Variants in ADAM22 observed in about 807,000 individuals in gnomAD.
ADAM22 encodes ADAM metallopeptidase domain 22, also known as disintegrin and metalloproteinase domain-containing protein 22.
A neutral mutation model predicts 144.6 loss-of-function variants in ADAM22; 65 were observed. That is an observed-to-expected ratio of 0.45 (90% CI 0.37 to 0.55). ADAM22 has a LOEUF of 0.55. Ranked by LOEUF, ADAM22 falls within the 20% of genes least tolerant of loss-of-function variation. The pLI is 0.00. For synonymous variants in ADAM22, 391 were observed against 412.6 expected (o/e 0.95, Z 0.63); for missense variants, 974 against 1,184.9 (o/e 0.82, Z 2.61).
intron 4 of ADAM22, among the ~76,000 whole-genome samples, chr7:88,085,117 T>C (rs1327691662): frequency 6.6e-6 from 1 of 152,214 alleles, no homozygotes; most frequent in African/African-American, 2.4e-5. Context: ...CTTTAACATA[T>C]GCATTTTGGG....
At position 88,138,612 on chromosome 7, in the gene ADAM22, A is replaced by G. The variant is rs541594976; in HGVS notation, c.1220+2581A>G. 8.4e-4 allele frequency among the ~76,000 whole-genome samples: 128 copies of G among 152,362 alleles called. 2 individuals are homozygous for G. The highest frequency in any genetic ancestry group is 1.4e-3 in the Admixed American group (22 of 15,304). On this transcript the variant is annotated intron_variant, in intron 14 of 31. Coordinates refer to ENST00000413139, the MANE Select transcript of ADAM22 (RefSeq NM_001324418.2). ...ATTAGAAAGCAGGGTTGAAATGAAT[A>G]CCTTCAGTCCTATTTAAAGGTATGA...
intron 15 of ADAM22, among the ~76,000 whole-genome samples, 185 bp from the exon 16 acceptor site, chr7:88,144,940 C>T (rs916463598): frequency 6.6e-6 from 1 of 151,926 alleles, no homozygotes; most frequent in Non-Finnish European, 1.5e-5. Context: ...GAAAAGGAAA[C>T]AGAAGTAGAC....
intron 2 of ADAM22, among the ~76,000 whole-genome samples, chr7:87,971,676 C>T (rs1379523956): frequency 6.6e-6 from 1 of 152,152 alleles, no homozygotes; most frequent in Middle Eastern, 3.2e-3. Flanking sequence ...TTTTCCTTGA[C>T]AGTACCTTAG....
chr7:88,081,786 T>C (rs978203163), intron 4 of ADAM22, among the ~76,000 whole-genome samples: 55 of 141,644 alleles, frequency 3.9e-4, no homozygotes, highest in Non-Finnish European at 5.0e-4. Context: ...ACAAGGGATG[T>C]GAAGGACCTC....
chr7:88,048,228 A>G (rs1238878758), intron 3 of ADAM22, among the ~76,000 whole-genome samples: 2 of 152,178 alleles, frequency 1.3e-5, no homozygotes, highest in Admixed American at 1.3e-4. Flanking sequence ...ATAGTATGCC[A>G]GTGTATGATT....
At chr7:88,164,765 G>A (rs553304802) in intron 23 of ADAM22, among the ~76,000 whole-genome samples, 1 of 152,152 alleles carries the variant, frequency 6.6e-6, no homozygotes, top group South Asian at 2.1e-4. Context: ...TGTAAGCTAT[G>A]CTATTTATTA....
intron 27 of ADAM22, 63 bp downstream of exon 27, chr7:88,179,192 C>A: frequency 1.5e-6 from 1 of 655,358 alleles, no homozygotes; most frequent in South Asian, 1.8e-5. Flanking sequence ...TCTTTGATTA[C>A]TCTACTTCAA....
chr7:88,181,988 G>A lies in ADAM22; in HGVS notation c.2627G>A (p.Arg876Lys). ...GNLGGNKKKIRGKRFRPRSNS... is the reference protein window; with the variant it reads ...GNLGGNKKKIKGKRFRPRSNS... ...CTGGGAGGCAACAAAAAGAAAATCAGAGGCAAAAGATTTAGACCTCGGTCT... is the reference window on the plus strand; with the variant it reads ...CTGGGAGGCAACAAAAAGAAAATCAAAGGCAAAAGATTTAGACCTCGGTCT... The change falls in exon 29 of 32, where the codon AGA becomes AAA. Residue 876 changes from arginine to lysine, a missense_variant. Arg to Lys is a conservative substitution (Grantham distance 26). This residue lies in a region of ADAM22 where 734 missense variants were observed against 950.6 expected (regional missense o/e 0.77). Transcript: ENST00000413139. 6.2e-7 allele frequency: 1 copy of A among 1,613,718 alleles called. No homozygotes were observed. Among genetic ancestry groups the A allele is most frequent in the Admixed American group, 1.7e-5 (1 of 59,980 alleles).
intron 3 of ADAM22, 114 bp from the exon 4 acceptor site, chr7:88,075,512 T>C: frequency 3.7e-6 from 3 of 807,662 alleles, no homozygotes; most frequent in South Asian, 2.9e-5. Context: ...TATAAAGTGT[T>C]GATTTGGGGG....
intron 11 of ADAM22, chr7:88,131,676 A>G (rs1287404779): frequency 1.9e-6 from 1 of 525,758 alleles, no homozygotes; most frequent in Non-Finnish European, 3.4e-6. Context: ...TAAATAGAGC[A>G]TTTACTGAGT....
At chr7:88,054,698 G>A (rs2129475431) in intron 3 of ADAM22, among the ~76,000 whole-genome samples, 1 of 151,380 alleles carries the variant, frequency 6.6e-6, no homozygotes, top group East Asian at 1.9e-4. Flanking sequence ...ACTGTGAATT[G>A]TGTTCGTGGG....
In ADAM22 at chr7:88,126,768, T is replaced by C. The variant is rs534468734; in HGVS notation, c.678+1109T>C. On this transcript the variant is annotated intron_variant, in intron 8 of 31. Transcript: ENST00000413139. Reference sequence around the variant, plus strand: ...CTCCAGTGAGCATTTCTTTTGAGTGTCCTATTGGTGCTCAAAAAGTTTTTC... The same window carrying C: ...CTCCAGTGAGCATTTCTTTTGAGTGCCCTATTGGTGCTCAAAAAGTTTTTC... Among the ~76,000 whole-genome samples, 434 of 152,064 alleles carry C rather than the reference T, an allele frequency of 2.9e-3. 2 individuals are homozygous for C. Among genetic ancestry groups the C allele is most frequent in the African/African-American group, 0.01 (419 of 41,510 alleles).
At chr7:88,094,446 G>C (rs893768151) in intron 4 of ADAM22, among the ~76,000 whole-genome samples, 1 of 152,170 alleles carries the variant, frequency 6.6e-6, no homozygotes, top group African/African-American at 2.4e-5. Flanking sequence ...AACCAGAGAA[G>C]GTGGACAGAA....
chr7:87,943,153 A>G (rs1021090431), intron 2 of ADAM22, among the ~76,000 whole-genome samples: 4 of 148,832 alleles, frequency 2.7e-5, no homozygotes, highest in African/African-American at 7.3e-5. Context: ...GTATAAATAT[A>G]TAATATATAC....
intron 3 of ADAM22, among the ~76,000 whole-genome samples, chr7:88,034,972 A>T (rs143457801): frequency 1.4e-3 from 213 of 152,106 alleles, no homozygotes; most frequent in African/African-American, 4.9e-3. Flanking sequence ...AGAAGTTTAA[A>T]CTATTTACTG....
At chr7:88,169,919 G>A (rs924945008) in intron 25 of ADAM22, among the ~76,000 whole-genome samples, 1 of 152,102 alleles carries the variant, frequency 6.6e-6, no homozygotes, top group South Asian at 2.1e-4. Flanking sequence ...CTGCCACCTA[G>A]TGATGGAAGT....
At chr7:88,152,119 T>C (rs1240522212) in intron 20 of ADAM22, among the ~76,000 whole-genome samples, 1 of 152,140 alleles carries the variant, frequency 6.6e-6, no homozygotes, top group Non-Finnish European at 1.5e-5. Flanking sequence ...TTTAAGCAAT[T>C]GGAAACATTG....
At chr7:87,948,744 T>A (rs946526648) in intron 2 of ADAM22, among the ~76,000 whole-genome samples, 1 of 152,206 alleles carries the variant, frequency 6.6e-6, no homozygotes, top group Non-Finnish European at 1.5e-5. Context: ...CATAAAGTTG[T>A]GCATGCTTAT....
chr7:88,107,304 C>G (rs531290504), intron 4 of ADAM22, among the ~76,000 whole-genome samples: 3 of 147,318 alleles, frequency 2.0e-5, no homozygotes, highest in Admixed American at 6.9e-5. Context: ...CTGGTTCAAG[C>G]GATTCTCCTG....
Sources: gnomAD v4.1 joint callset for allele counts (sites outside exome capture counted in the v4.1 genomes callset) on GRCh38, gnomAD v4.1.1 for gene constraint, gnomAD v4.1.1 regional missense constraint, MANE v1.5 for transcripts, NCBI Gene and HGNC (gene_info 2026-07-23, HGNC 2026-07-21) for gene names.